Variants in MTHFD1L observed in about 807,000 individuals in gnomAD.
MTHFD1L encodes the protein methylenetetrahydrofolate dehydrogenase (NADP+ dependent) 1 like.
Under a neutral mutation model 119.5 loss-of-function variants are expected in MTHFD1L, and 81 were observed. The observed-to-expected ratio is 0.68, with a 90% CI of 0.57 to 0.82. The LOEUF (loss-of-function observed/expected upper bound fraction) is 0.82. Ranked by LOEUF, MTHFD1L falls within the 40% of genes least tolerant of loss-of-function variation. The pLI is 0.00. For missense variants in MTHFD1L, 1,125 were observed against 1,253.4 expected (o/e 0.90, Z 1.55); for synonymous variants, 430 against 475.2 (o/e 0.90, Z 1.24).
intron 20 of MTHFD1L, among the ~76,000 whole-genome samples, chr6:150,978,585 G>A (rs879468759): frequency 3.7e-4 from 56 of 152,238 alleles, no homozygotes; most frequent in South Asian, 1.5e-3. Context: ...AGAATGAATC[G>A]ACTTAGCAGT....
intron 26 of MTHFD1L, chr6:151,042,034 G>A (rs1584277926): frequency 2.8e-6 from 1 of 357,308 alleles, no homozygotes; most frequent in East Asian, 7.6e-5. Flanking sequence ...TGGCATTGGT[G>A]ACCACAAATA....
chr6:150,886,944 T>C (rs895477870), intron 6 of MTHFD1L, among the ~76,000 whole-genome samples: 4 of 149,254 alleles, frequency 2.7e-5, no homozygotes, highest in Admixed American at 2.0e-4. Context: ...TTCAGTGAGC[T>C]GTGATCACAC....
intron 27 of MTHFD1L, among the ~76,000 whole-genome samples, chr6:151,093,443 A>C (rs1165012383): frequency 1.3e-5 from 1 of 77,214 alleles, no homozygotes; most frequent in African/African-American, 5.4e-5. Flanking sequence ...TGGATCACGA[A>C]GTCAGGAGTT....
chr6:151,002,888 T>A (rs941216688), intron 20 of MTHFD1L, among the ~76,000 whole-genome samples: 8 of 152,184 alleles, frequency 5.3e-5, no homozygotes, highest in African/African-American at 1.9e-4. Flanking sequence ...GGATTATTCC[T>A]TGTTGGCGGG....
At chr6:151,088,763 G>A (rs2128645554) in intron 26 of MTHFD1L, among the ~76,000 whole-genome samples, 1 of 151,978 alleles carries the variant, frequency 6.6e-6, no homozygotes, top group South Asian at 2.1e-4. Context: ...GGCCTGGCCA[G>A]GTTTAGATCC....
chr6:151,026,361 A>G (rs1784603139), intron 24 of MTHFD1L, among the ~76,000 whole-genome samples: 1 of 152,232 alleles, frequency 6.6e-6, no homozygotes. Flanking sequence ...GTTATTTTCT[A>G]GAGCCATACT....
At chr6:151,081,519 AAAAAT>A (rs1793175687) in intron 26 of MTHFD1L, among the ~76,000 whole-genome samples, 1 of 108,272 alleles carries the variant, frequency 9.2e-6, no homozygotes, top group African/African-American at 3.0e-5. Flanking sequence ...AAAAAAAAAA[AAAAAT>A]AGCCAGGCAT....
Position 150,936,131 on chromosome 6 carries a change from G to C in MTHFD1L, c.1257-673G>C, listed in dbSNP as rs186399692. Among the ~76,000 whole-genome samples the C allele has an allele frequency of 3.7e-4, 56 of 152,206 alleles. 1 individual carries two copies. The East Asian group carries it at 9.6e-3, about 26-fold the overall frequency. On this transcript the variant is annotated intron_variant, in intron 11 of 27. Transcript: ENST00000367321. ...GGACTGTCATATGGAAAGGGATCAG[G>C]CTTAGTGTGTAGGACTCCAAGAGCT...
chr6:150,984,811 A>AT (rs1404565906), intron 20 of MTHFD1L, among the ~76,000 whole-genome samples: 1 of 152,202 alleles, frequency 6.6e-6, no homozygotes, highest in African/African-American at 2.4e-5. Flanking sequence ...ACTTAGAGTC[A>AT]TTTTTTAAAT....
chr6:150,960,944 T>C (rs1796346010), intron 18 of MTHFD1L, among the ~76,000 whole-genome samples: 1 of 152,198 alleles, frequency 6.6e-6, no homozygotes, highest in Non-Finnish European at 1.5e-5. Flanking sequence ...CAGTCTTGCT[T>C]TTCTAGTTCC....
chr6:150,969,573 G>C (rs1212203477), intron 19 of MTHFD1L, among the ~76,000 whole-genome samples: 1 of 150,310 alleles, frequency 6.7e-6, no homozygotes, highest in East Asian at 1.9e-4. Flanking sequence ...GCTAGGGAAA[G>C]AAGGGGGAAT....
Position 150,891,018 on chromosome 6 carries a change from C to T in MTHFD1L, c.780+3037C>T, listed in dbSNP as rs114903905. On this transcript the variant is annotated intron_variant, in intron 7 of 27. Transcript: ENST00000367321. ...TTTGTTTTTTTGAGACGAAGTCTCC[C>T]TCTATCCCCCAGGCTGCAGTGCAGT... Among the ~76,000 whole-genome samples, 1,059 of 152,302 alleles carry T rather than the reference C, an allele frequency of 7.0e-3. 19 individuals carry two copies. The highest frequency in any genetic ancestry group is 0.025 in the African/African-American group (1,023 of 41,558).
At chr6:151,017,424 G>T (rs940734548) in intron 24 of MTHFD1L, among the ~76,000 whole-genome samples, 2 of 151,518 alleles carry the variant, frequency 1.3e-5, no homozygotes, top group African/African-American at 4.9e-5. Context: ...TCAGCTCACC[G>T]CAACCTTCTG....
chr6:151,079,706 CT>C (rs1042589711), intron 26 of MTHFD1L, among the ~76,000 whole-genome samples: 18 of 151,550 alleles, frequency 1.2e-4, no homozygotes, highest in Non-Finnish European at 2.5e-4. Context: ...TCACGCTGGT[CT>C]CAAACTCCCG....
In MTHFD1L at chr6:151,035,744, A is replaced by T. The variant is rs371251454; in HGVS notation, c.2694+1144A>T. 2.1e-4 allele frequency among the ~76,000 whole-genome samples: 32 copies of T among 152,136 alleles called. 1 individual carries two copies. In the East Asian group the frequency reaches 2.9e-3, roughly 14 times the overall value. ...CTAATATTAAGTCTTTTCTCCTTTC[A>T]GTGTTAAAATGGTATTTCTTTTATG... On this transcript the variant is annotated intron_variant, in intron 25 of 27. Transcript: ENST00000367321.
At chr6:150,961,536 C>T (rs1042866363) in intron 18 of MTHFD1L, among the ~76,000 whole-genome samples, 2 of 152,208 alleles carry the variant, frequency 1.3e-5, no homozygotes, top group African/African-American at 4.8e-5. Context: ...TACTGAATCT[C>T]CTACAATAAT....
chr6:150,888,203 A>C (rs1782640975), intron 7 of MTHFD1L, among the ~76,000 whole-genome samples: 2 of 152,238 alleles, frequency 1.3e-5, no homozygotes. Context: ...AGAACAGATC[A>C]TTCTAATACA....
chr6:150,872,347 C>T (rs896959199), intron 1 of MTHFD1L, among the ~76,000 whole-genome samples: 8 of 152,108 alleles, frequency 5.3e-5, no homozygotes, highest in Admixed American at 2.6e-4. Flanking sequence ...AATTATTTCT[C>T]GGTTTTTATT....
intron 20 of MTHFD1L, among the ~76,000 whole-genome samples, chr6:150,975,979 C>A (rs1054231933): frequency 1.3e-5 from 2 of 152,172 alleles, no homozygotes; most frequent in Non-Finnish European, 1.5e-5. Flanking sequence ...GGGTGGATCA[C>A]CTGAGGTCAG....
Sources: allele counts gnomAD v4.1 joint callset (sites outside exome capture counted in the v4.1 genomes callset), GRCh38; gene constraint gnomAD v4.1.1; transcripts MANE v1.5; gene names NCBI Gene and HGNC (gene_info 2026-07-23, HGNC 2026-07-21).